ZYG11B: variants seen among roughly 807,000 people sequenced by gnomAD.
The protein encoded by ZYG11B is zyg-11 family member B, cell cycle regulator.
In ZYG11B, 36 loss-of-function variants were observed where a neutral mutation model predicts 82.4. That is an observed-to-expected ratio of 0.44 (90% CI 0.33 to 0.58). The LOEUF (loss-of-function observed/expected upper bound fraction) is 0.58, where lower values mean the gene tolerates loss of function less well. Among genes scored for constraint, ZYG11B ranks in the 20% least tolerant of loss-of-function variants. The probability of loss-of-function intolerance (pLI) is 0.02; values close to 1 mark genes in which losing one functional copy is unlikely to be tolerated. For synonymous variants in ZYG11B, 303 were observed against 312.8 expected (o/e 0.97, Z 0.33); for missense variants, 552 against 895.6 (o/e 0.62, Z 4.90).
Position 52,779,958 on chromosome 1 carries a change from CAT to C in ZYG11B, c.1058_1059del (p.His353ArgfsTer36), listed in dbSNP as rs774349401. The C allele has an allele frequency of 6.8e-6, 11 of 1,613,544 alleles. No individual in the cohort carries two copies. The highest frequency in any genetic ancestry group is 1.1e-5 in the South Asian group (1 of 90,880). On this transcript the variant is annotated frameshift_variant, in exon 4 of 14. Transcript: ENST00000294353. LOFTEE classifies it high-confidence loss of function. ...TCTATTTCATCTTTTTAGTCTGACT[CAT>C]GTGATGGAAAAAACAAAGCCAGAAA... ...EALFHLFSLT[H>X]VMEKTKPEIL...
At chr1:52,786,547 A>C (rs1187524933) in intron 5 of ZYG11B, among the ~76,000 whole-genome samples, 1 of 151,846 alleles carries the variant, frequency 6.6e-6, no homozygotes, top group Non-Finnish European at 1.5e-5. Flanking sequence ...CCAGGAGTTC[A>C]AGACCAACTT....
intron 5 of ZYG11B, among the ~76,000 whole-genome samples, chr1:52,785,780 C>G (rs2149948608): frequency 6.6e-6 from 1 of 152,136 alleles, no homozygotes; most frequent in South Asian, 2.1e-4. Flanking sequence ...TGAAATTGAC[C>G]ATTGAGTTGG....
intron 2 of ZYG11B, among the ~76,000 whole-genome samples, chr1:52,761,841 A>G (rs1017709008): frequency 6.6e-6 from 1 of 151,978 alleles, no homozygotes; most frequent in Non-Finnish European, 1.5e-5. Flanking sequence ...AGTATTTGTT[A>G]TTTTTTGTCT....
chr1:52,785,004 T>C lies in ZYG11B; in HGVS notation c.1220T>C (p.Val407Ala). 1 of 1,614,060 alleles carries C rather than the reference T, an allele frequency of 6.2e-7. No individual in the cohort carries two copies. The highest frequency in any genetic ancestry group is 8.5e-7 in the Non-Finnish European group (1 of 1,180,002). Residue 407 changes from valine (V) to alanine (A), a missense_variant, in exon 5 of 14, where the codon GTG becomes GCG. By Grantham distance (64) the Val-to-Ala change is moderately conservative. This residue lies in a region of ZYG11B where 359 missense variants were observed against 555.8 expected (regional missense o/e 0.65). Coordinates refer to ENST00000294353, the MANE Select transcript of ZYG11B (RefSeq NM_024646.3). ...ATGCCTGTCCGACTCCTGGCTGATG[T>C]GACCCATTTGCTGCTCAAAGCCATG... ...AGMPVRLLAD[V>A]THLLLKAMEH... is the part of the protein sequence containing the mutation.
At chr1:52,776,961 G>A (rs1007535226) in intron 3 of ZYG11B, among the ~76,000 whole-genome samples, 3 of 152,200 alleles carry the variant, frequency 2.0e-5, no homozygotes, top group African/African-American at 7.2e-5. Flanking sequence ...TGTAATCCCA[G>A]CACTTTAGGA....
chr1:52,802,342 T>C lies in ZYG11B; in HGVS notation c.1695+203T>C, dbSNP rs865907840. Among the ~76,000 whole-genome samples the C allele has an allele frequency of 3.4e-4, 12 of 35,160 alleles. No individual in the cohort carries two copies. In the African/African-American group the frequency reaches 3.9e-3, roughly 11 times the overall value. 23.1% of individuals were successfully genotyped at this position (35,160 alleles called of 152,430 possible). ...AATAGCAATTTCTTTCTTTCTCTCT[T>C]TTTTTTTTTTTTTTTTTTTTTTTGA... is the stretch of plus-strand genomic sequence containing the variant. On this transcript the variant is annotated intron_variant, in intron 10 of 13. Coordinates refer to ENST00000294353, the MANE Select transcript of ZYG11B (RefSeq NM_024646.3).
rs775554833 is a variant in ZYG11B, at chr1:52,756,567, C to T, written c.140C>T (p.Pro47Leu). The T allele has an allele frequency of 6.2e-7, 1 of 1,614,018 alleles. No individual in the cohort carries two copies. Among genetic ancestry groups the T allele is most frequent in the Non-Finnish European group, 8.5e-7 (1 of 1,180,018 alleles). Residue 47 changes from proline (P) to leucine (L), a missense_variant, in exon 2 of 14, where the codon CCT (proline) becomes CTT (leucine). Pro to Leu is a moderately conservative substitution (Grantham distance 98, BLOSUM62 -3). Around this residue, in one of 3 missense-constraint regions of ZYG11B, gnomAD observed 359 missense variants for 555.8 expected, o/e 0.65. Coordinates refer to ENST00000294353, the MANE Select transcript of ZYG11B (RefSeq NM_024646.3). ...GATGGAACATTGTGTCTGCAGGAAC[C>T]TGGAGTATTCCCACAGGAGGTGGCT... ...RQDGTLCLQE[P>L]GVFPQEVADR... is the part of the protein sequence containing the mutation.
chr1:52,766,822 C>T (rs1644693382), intron 2 of ZYG11B, among the ~76,000 whole-genome samples: 1 of 152,078 alleles, frequency 6.6e-6, no homozygotes, highest in Non-Finnish European at 1.5e-5. Context: ...TCCTGGCTAA[C>T]ACGGTGAAAC....
chr1:52,769,211 A>G (rs1001828524), intron 2 of ZYG11B, among the ~76,000 whole-genome samples: 1 of 152,146 alleles, frequency 6.6e-6, no homozygotes, highest in Non-Finnish European at 1.5e-5. Flanking sequence ...AATGGACCCC[A>G]TCATGAAATT....
Position 52,771,922 on chromosome 1 carries a change from T to C in ZYG11B, c.951+148T>C, listed in dbSNP as rs1644755364. ...GAAAGGCTTAGAGTCCTAATTAAAA[T>C]CTCAGCTTCATGACCCAGAACAAGC... is the stretch of plus-strand genomic sequence containing the variant. On this transcript the variant is annotated intron_variant, in intron 3 of 13. Coordinates refer to ENST00000294353, the MANE Select transcript of ZYG11B (RefSeq NM_024646.3). This position sits in a 1 kb window ranked among gnomAD's most constrained non-coding sequence, Gnocchi z 5.4. 1 of 996,482 alleles carries C rather than the reference T, an allele frequency of 1.0e-6. No homozygotes were observed. Among genetic ancestry groups the C allele is most frequent in the Non-Finnish European group, 1.5e-6 (1 of 687,778 alleles). 61.7% of individuals were successfully genotyped at this position (996,482 alleles called of 1,614,324 possible). A position where few individuals can be genotyped will look rare whatever the true frequency, so the allele number is the denominator to read the frequency against.
intron 3 of ZYG11B, chr1:52,772,669 G>A (rs1219141385): frequency 2.2e-5 from 17 of 777,434 alleles, no homozygotes; most frequent in Non-Finnish European, 2.5e-5. Context: ...ATCAGGCAAC[G>A]AAAGGCTTGT....
In ZYG11B at chr1:52,803,157, CATATATATATACACACATAT is replaced by C. The variant is rs1645100756; in HGVS notation, c.1695+1034_1695+1053del. On this transcript the variant is annotated intron_variant, in intron 10 of 13. Coordinates refer to ENST00000294353, the MANE Select transcript of ZYG11B (RefSeq NM_024646.3). ...ATACACACATATATATATATATACA[CATATATATATACACACATAT>C]ATATATATATACACATATATATATA... Among the ~76,000 whole-genome samples, 14 of 42,834 alleles carry C rather than the reference CATATATATATACACACATAT, an allele frequency of 3.3e-4. 2 individuals carry two copies. The highest frequency in any genetic ancestry group is 0.014 in the Middle Eastern group (1 of 72). The allele number at this position is 42,834 out of a possible 152,430, so 28.1% of individuals were successfully genotyped here. A position where few individuals can be genotyped will look rare whatever the true frequency, so the allele number is the denominator to read the frequency against.
chr1:52,789,883 T>A, intron 5 of ZYG11B, 120 bp from the exon 6 acceptor site: 1 of 626,986 alleles, frequency 1.6e-6, no homozygotes, highest in Non-Finnish European at 2.5e-6. Context: ...ATAAAGATTG[T>A]AAGAAATAAC....
intron 1 of ZYG11B, among the ~76,000 whole-genome samples, chr1:52,750,273 ATTTT>A (rs35418497): frequency 7.6e-6 from 1 of 132,272 alleles, no homozygotes; most frequent in Non-Finnish European, 1.6e-5. Context: ...CCCAGCAACT[ATTTT>A]TTTTTTTTTT....
At chr1:52,764,454 A>G (rs1644663991) in intron 2 of ZYG11B, among the ~76,000 whole-genome samples, 1 of 152,078 alleles carries the variant, frequency 6.6e-6, no homozygotes, top group African/African-American at 2.4e-5. Flanking sequence ...TTAAAATAAG[A>G]AAAGAGCATG....
intron 3 of ZYG11B, among the ~76,000 whole-genome samples, chr1:52,776,753 G>A (rs554003572): frequency 6.6e-6 from 1 of 151,360 alleles, no homozygotes; most frequent in Non-Finnish European, 1.5e-5. Context: ...AGCATTTTTT[G>A]TTTTTTTCTG....
chr1:52,732,050 A>G (rs963054808), intron 1 of ZYG11B, among the ~76,000 whole-genome samples: 3 of 152,166 alleles, frequency 2.0e-5, no homozygotes, highest in African/African-American at 7.2e-5. Context: ...TGATCTGCCC[A>G]CTTTGGCTTC....
intron 6 of ZYG11B, among the ~76,000 whole-genome samples, chr1:52,792,750 A>T (rs550124180): frequency 6.6e-6 from 1 of 152,328 alleles, no homozygotes; most frequent in Admixed American, 6.5e-5. Context: ...TAAAGAACTT[A>T]TTTTGTGCCA....
chr1:52,762,982 G>GC (rs986617318), intron 2 of ZYG11B, among the ~76,000 whole-genome samples: 5 of 141,590 alleles, frequency 3.5e-5, no homozygotes, highest in Non-Finnish European at 4.7e-5. Flanking sequence ...AGATTGGGGG[G>GC]GGGGGGTCTA....
Sources: allele counts gnomAD v4.1 joint callset (sites outside exome capture counted in the v4.1 genomes callset), GRCh38; gene constraint gnomAD v4.1.1; regional missense constraint gnomAD v4.1.1; non-coding constraint Gnocchi (gnomAD v3.1); transcripts MANE v1.5; gene names NCBI Gene and HGNC (gene_info 2026-07-23, HGNC 2026-07-21).